Variants in CPVL observed in about 807,000 individuals in gnomAD.
CPVL encodes probable serine carboxypeptidase CPVL.
A neutral mutation model predicts 63.7 loss-of-function variants in CPVL; 51 were observed. That is an observed-to-expected ratio of 0.80 (90% confidence interval 0.64 to 1.01). The LOEUF (loss-of-function observed/expected upper bound fraction) is 1.01, where lower values mean the gene tolerates loss of function less well. CPVL is among the 50% of genes least tolerant of loss of function. The pLI is 0.00. For synonymous variants in CPVL, 195 were observed against 206.0 expected, an observed-to-expected ratio of 0.95 and a Z score of 0.46; for missense variants, 530 against 573.1, an observed-to-expected ratio of 0.92 and a Z score of 0.77.
At chr7:29,146,955 C>A, upstream of CPVL, 5 of 1,551,078 alleles carry the variant, frequency 3.2e-6, no homozygotes, top group Non-Finnish European at 4.4e-6. Context: ...TCCAGCTGCA[C>A]TAGCAGTAAG....
At chr7:29,031,554 CTT>C (rs1264777718) in intron 11 of CPVL, among the ~76,000 whole-genome samples, 2 of 152,116 alleles carry the variant, frequency 1.3e-5, no homozygotes, top group African/African-American at 4.8e-5. Context: ...TAAAATGGCT[CTT>C]CTTTTCAGAA....
intron 6 of CPVL, among the ~76,000 whole-genome samples, chr7:29,088,945 A>G (rs1785492530): frequency 6.6e-6 from 1 of 152,236 alleles, no homozygotes; most frequent in Non-Finnish European, 1.5e-5. Context: ...ACTGCACTCC[A>G]GCCTGGCGAC....
chr7:29,017,365 G>A (rs1430000022), intron 12 of CPVL, among the ~76,000 whole-genome samples: 1 of 152,210 alleles, frequency 6.6e-6, no homozygotes, highest in Non-Finnish European at 1.5e-5. Context: ...TGGGCGTGGT[G>A]GCTCACGCCT....
intron 1 of CPVL, among the ~76,000 whole-genome samples, chr7:29,134,666 T>C (rs1311912640): frequency 1.3e-5 from 2 of 152,128 alleles, no homozygotes; most frequent in Non-Finnish European, 2.9e-5. Context: ...GACAGTGCAA[T>C]TAAGTTATAG....
chr7:29,000,199 C>T (rs1275161894), intron 12 of CPVL, among the ~76,000 whole-genome samples: 1 of 152,056 alleles, frequency 6.6e-6, no homozygotes, highest in South Asian at 2.1e-4. Flanking sequence ...ATATAATTCT[C>T]CCTGGAACTA....
chr7:29,056,570 C>T (rs1283182880), intron 11 of CPVL, among the ~76,000 whole-genome samples: 1 of 152,080 alleles, frequency 6.6e-6, no homozygotes, highest in Non-Finnish European at 1.5e-5. Flanking sequence ...CTAGTTTATT[C>T]ATTCACCTAC....
intron 1 of CPVL, among the ~76,000 whole-genome samples, chr7:29,143,048 T>C (rs1792067464): frequency 1.3e-5 from 2 of 152,180 alleles, no homozygotes; most frequent in Non-Finnish European, 2.9e-5. Context: ...CACTGATGCT[T>C]CAGTGAGCTT....
At chr7:29,072,777 G>GA (rs547853104) in intron 7 of CPVL, among the ~76,000 whole-genome samples, 5 of 152,066 alleles carry the variant, frequency 3.3e-5, no homozygotes, top group African/African-American at 1.2e-4. Flanking sequence ...AGATTAGAGG[G>GA]AAAAAAATCT....
intron 9 of CPVL, among the ~76,000 whole-genome samples, chr7:29,066,383 A>G (rs368328355): frequency 6.6e-6 from 1 of 152,314 alleles, no homozygotes; most frequent in African/African-American, 2.4e-5. Context: ...AGTAAATTAT[A>G]TCATATGGTA....
At chr7:29,043,380 T>C (rs926961212) in intron 11 of CPVL, among the ~76,000 whole-genome samples, 3 of 152,154 alleles carry the variant, frequency 2.0e-5, no homozygotes, top group African/African-American at 7.2e-5. Context: ...ACCTTGCAAT[T>C]AGGTTTTTTG....
intron 11 of CPVL, among the ~76,000 whole-genome samples, chr7:29,051,158 A>G (rs551541276): frequency 6.6e-6 from 1 of 152,352 alleles, no homozygotes; most frequent in Non-Finnish European, 1.5e-5. Flanking sequence ...TCTAGAAGGT[A>G]ACATTGGAAA....
intron 11 of CPVL, among the ~76,000 whole-genome samples, chr7:29,040,881 G>A (rs1469973612): frequency 2.6e-5 from 4 of 152,126 alleles, no homozygotes; most frequent in Non-Finnish European, 5.9e-5. Flanking sequence ...ACTTGAAAAG[G>A]ATCCAGAAAG....
At chr7:29,101,708 T>C (rs1447431774) in intron 3 of CPVL, among the ~76,000 whole-genome samples, 1 of 152,096 alleles carries the variant, frequency 6.6e-6, no homozygotes, top group African/African-American at 2.4e-5. Flanking sequence ...TAACAGCCCC[T>C]CTTCCCCGAC....
intron 12 of CPVL, among the ~76,000 whole-genome samples, chr7:29,000,633 T>C (rs1307256416): frequency 6.6e-6 from 1 of 152,162 alleles, no homozygotes; most frequent in Admixed American, 6.5e-5. Flanking sequence ...AGTGGGACCA[T>C]GTGATGCCCC....
At chr7:29,053,010 C>T (rs1172147483) in intron 11 of CPVL, among the ~76,000 whole-genome samples, 1 of 152,178 alleles carries the variant, frequency 6.6e-6, no homozygotes. Context: ...TTTGGATACA[C>T]ATTTCTCCAA....
At chr7:29,114,022 A>G (rs1469786740) in intron 2 of CPVL, among the ~76,000 whole-genome samples, 1 of 152,170 alleles carries the variant, frequency 6.6e-6, no homozygotes, top group Non-Finnish European at 1.5e-5. Context: ...CCATCGACTA[A>G]AGATGCCTTT....
intron 1 of CPVL, among the ~76,000 whole-genome samples, chr7:29,139,612 A>G (rs1477844768): frequency 6.6e-6 from 1 of 152,156 alleles, no homozygotes; most frequent in Non-Finnish European, 1.5e-5. Context: ...TTAAAATTCT[A>G]AATCAGTGGC....
intron 1 of CPVL, among the ~76,000 whole-genome samples, chr7:29,141,487 T>G (rs1473532674): frequency 6.6e-6 from 1 of 151,836 alleles, no homozygotes; most frequent in African/African-American, 2.4e-5. Flanking sequence ...GAGGCGGAGG[T>G]TGCAGTGAGC....
intron 9 of CPVL, among the ~76,000 whole-genome samples, chr7:29,069,543 T>C (rs1307213366): frequency 1.3e-5 from 2 of 151,674 alleles, no homozygotes; most frequent in Non-Finnish European, 2.9e-5. Context: ...AAAATCATCA[T>C]GGAAAGGGAG....
Sources: allele counts gnomAD v4.1 joint callset (sites outside exome capture counted in the v4.1 genomes callset), GRCh38; gene constraint gnomAD v4.1.1; transcripts MANE v1.5; gene names NCBI Gene and HGNC (gene_info 2026-07-23, HGNC 2026-07-21).